MGAT4A: variants seen among roughly 807,000 people sequenced by gnomAD.
MGAT4A encodes the protein N-acetylglucosaminyltransferase IVa.
Under a neutral mutation model 74.1 loss-of-function variants are expected in MGAT4A, and 33 were observed. The observed-to-expected ratio is 0.45, with a 90% CI of 0.34 to 0.60. The LOEUF (loss-of-function observed/expected upper bound fraction) is 0.60. MGAT4A is among the 20% of genes least tolerant of loss of function. The probability of loss-of-function intolerance (pLI) is 0.02; values close to 1 mark genes in which losing one functional copy is unlikely to be tolerated. For synonymous variants in MGAT4A, 198 were observed against 210.4 expected (o/e 0.94, Z 0.51); for missense variants, 479 against 628.3 (o/e 0.76, Z 2.54).
rs1188572438 is a variant in MGAT4A, at chr2:98,663,127, G to A, written c.456C>T (p.Leu152=). The A allele has an allele frequency of 1.2e-5, 19 of 1,604,476 alleles. No individual in the cohort carries two copies. Among genetic ancestry groups the A allele is most frequent in the Non-Finnish European group, 1.5e-5 (18 of 1,173,482 alleles). ...PTVKREVKSY[L]IETLHSLIDN... is the part of the protein sequence containing the mutation. Reference sequence around the variant, plus strand: ...CAATAAGGGAATGAAGAGTTTCTATGAGGTAAGATTTAACTTCTCTCTTCA... The same window carrying A: ...CAATAAGGGAATGAAGAGTTTCTATAAGGTAAGATTTAACTTCTCTCTTCA... Residue 152 remains leucine, a synonymous_variant, in exon 5 of 16, where the codon CTC becomes CTT. Coordinates refer to ENST00000393487, the MANE Select transcript of MGAT4A (RefSeq NM_012214.3).
At position 98,640,204 on chromosome 2, in the gene MGAT4A, T is replaced by C; in HGVS notation, c.1045A>G (p.Asn349Asp). Residue 349 changes from asparagine to aspartate, a missense_variant, in exon 11 of 16, where the codon AAT (asparagine) becomes GAT (aspartate). By Grantham distance (23) the Asn-to-Asp change is conservative. Coordinates refer to ENST00000393487, the MANE Select transcript of MGAT4A (RefSeq NM_012214.3). ...GAAGGTCTGAAGCGAATTCGCAGAT[T>C]TGCTTTCTGTCTATCACAATGTTTC... ...DAKHCDRQKA[N>D]LRIRFRPSLF... 2.5e-6 allele frequency: 4 copies of C among 1,614,006 alleles called. No individual in the cohort carries two copies. Among genetic ancestry groups the C allele is most frequent in the Non-Finnish European group, 3.4e-6 (4 of 1,179,898 alleles).
At chr2:98,641,212 A>T (rs1251438118) in intron 10 of MGAT4A, among the ~76,000 whole-genome samples, 1 of 152,156 alleles carries the variant, frequency 6.6e-6, no homozygotes, top group Non-Finnish European at 1.5e-5. Flanking sequence ...AAATCAAAAA[A>T]CACATCTTTG....
At position 98,625,463 on chromosome 2, in the gene MGAT4A, C is replaced by A. The variant is rs914483268; in HGVS notation, c.*103G>T. On this transcript the variant is annotated 3_prime_UTR_variant, in exon 16 of 16. Transcript: ENST00000393487. ...TGACAATCGTCTTATCTACAGTAGA[C>A]TTCACAAGAGGTAGTGTTCAAGTAG... 2 of 1,549,512 alleles carry A rather than the reference C, an allele frequency of 1.3e-6. No individual in the cohort carries two copies. The highest frequency in any genetic ancestry group is 1.7e-6 in the Non-Finnish European group (2 of 1,154,922).
At position 98,656,471 on chromosome 2, in the gene MGAT4A, A is replaced by T; in HGVS notation, c.585-6T>A. 6.4e-7 allele frequency: 1 copy of T among 1,569,492 alleles called. No homozygotes were observed. The highest frequency in any genetic ancestry group is 8.7e-7 in the Non-Finnish European group (1 of 1,147,860). On this transcript the variant is annotated splice_region_variant and splice_polypyrimidine_tract_variant and intron_variant, in intron 6 of 15. Transcript: ENST00000393487. ...AACTGATTTCTTTAGAAAATCTATT[A>T]TGAGAAAGTTAGCTGAGTTACTTAA... is the stretch of plus-strand genomic sequence containing the variant.
chr2:98,662,083 A>G (rs563165546), intron 5 of MGAT4A, among the ~76,000 whole-genome samples: 19 of 152,362 alleles, frequency 1.2e-4, no homozygotes, highest in Admixed American at 7.8e-4. Flanking sequence ...TCCATAGTGC[A>G]TGCTGGAACA....
In MGAT4A at chr2:98,684,252, A is replaced by C. The variant is rs559966122; in HGVS notation, c.95-5781T>G. On this transcript the variant is annotated intron_variant, in intron 2 of 15. Transcript: ENST00000393487. ...ATTCCCTATTGTCAACATTAGTAGA[A>C]AAATTCTTATTTTTGCTTTTCTTAG... Among the ~76,000 whole-genome samples, 6 of 152,334 alleles carry C rather than the reference A, an allele frequency of 3.9e-5. 1 individual carries two copies. In the South Asian group the frequency reaches 1.2e-3, roughly 32 times the overall value.
intron 2 of MGAT4A, among the ~76,000 whole-genome samples, chr2:98,681,641 A>G (rs1702061370): frequency 6.6e-6 from 1 of 152,072 alleles, no homozygotes; most frequent in Admixed American, 6.6e-5. Context: ...TCTCAACACC[A>G]TTTGCCACTA....
At chr2:98,676,852 G>T (rs1218048775) in intron 3 of MGAT4A, among the ~76,000 whole-genome samples, 2 of 152,158 alleles carry the variant, frequency 1.3e-5, no homozygotes, top group Non-Finnish European at 1.5e-5. Context: ...AACAAAAAAT[G>T]TTAGTAGAAA....
At chr2:98,646,591 T>C (rs1168121182) in intron 8 of MGAT4A, among the ~76,000 whole-genome samples, 1 of 152,064 alleles carries the variant, frequency 6.6e-6, no homozygotes, top group Non-Finnish European at 1.5e-5. Flanking sequence ...CCTGTAATAC[T>C]AGCTACTTGG....
rs1022961084 is a variant in MGAT4A, at chr2:98,619,188, G to A, written c.*6378C>T. ...TTCTTTATTTCAAATACACATGAAC[G>A]GTCGTGGCACAGAGAAACAGTGATG... On this transcript the variant is annotated 3_prime_UTR_variant, in exon 16 of 16. Transcript: ENST00000393487. The A allele has an allele frequency of 6.6e-6, 1 of 152,402 alleles. No individual in the cohort carries two copies. Among genetic ancestry groups the A allele is most frequent in the African/African-American group, 2.4e-5 (1 of 41,382 alleles). 9.4% of individuals were successfully genotyped at this position (152,402 alleles called of 1,614,324 possible). A position where few individuals can be genotyped will look rare whatever the true frequency, so the allele number is the denominator to read the frequency against.
At chr2:98,704,331 G>C (rs1382719799) in intron 2 of MGAT4A, among the ~76,000 whole-genome samples, 1 of 152,194 alleles carries the variant, frequency 6.6e-6, no homozygotes, top group African/African-American at 2.4e-5. Context: ...TGGATTGCTT[G>C]AACTCAGGAG....
intron 2 of MGAT4A, among the ~76,000 whole-genome samples, chr2:98,679,038 C>T (rs970355048): frequency 2.0e-5 from 3 of 152,082 alleles, no homozygotes; most frequent in Non-Finnish European, 4.4e-5. Context: ...AGTGGCCAGG[C>T]GTGGTGGCTC....
chr2:98,622,147 T>C lies in MGAT4A; in HGVS notation c.*3419A>G. On this transcript the variant is annotated 3_prime_UTR_variant, in exon 16 of 16. Transcript: ENST00000393487. ...CTCAGCTTTCTCTTCTCACCCAAAA[T>C]ATTCATCATCATTTGCATTATGTTC... is the stretch of plus-strand genomic sequence containing the variant. 1.0e-6 allele frequency: 1 copy of C among 985,452 alleles called. No homozygotes were observed. Among genetic ancestry groups the C allele is most frequent in the Non-Finnish European group, 1.2e-6 (1 of 829,930 alleles). 61.0% of individuals were successfully genotyped at this position (985,452 alleles called of 1,614,324 possible). A position where few individuals can be genotyped will look rare whatever the true frequency, so the allele number is the denominator to read the frequency against.
Position 98,623,312 on chromosome 2 carries a change from A to G in MGAT4A, c.*2254T>C. On this transcript the variant is annotated 3_prime_UTR_variant, in exon 16 of 16. Coordinates refer to ENST00000393487, the MANE Select transcript of MGAT4A (RefSeq NM_012214.3). ...GGCAGGCTGTCTTTAAAGAAGTTGTAACAAATCACACCAGGTGCTGCAATA... is the reference window on the plus strand; with the variant it reads ...GGCAGGCTGTCTTTAAAGAAGTTGTGACAAATCACACCAGGTGCTGCAATA... The G allele has an allele frequency of 1.0e-6, 1 of 985,462 alleles. No homozygotes were observed. Among genetic ancestry groups the G allele is most frequent in the Non-Finnish European group, 1.2e-6 (1 of 829,938 alleles). 61.0% of individuals were successfully genotyped at this position (985,462 alleles called of 1,614,324 possible).
At chr2:98,635,985 C>CA (rs1307746712) in intron 13 of MGAT4A, among the ~76,000 whole-genome samples, 1 of 86,080 alleles carries the variant, frequency 1.2e-5, no homozygotes, top group Non-Finnish European at 2.7e-5. Flanking sequence ...GACTCTGTCT[C>CA]AAAAAAATAA....
rs572315632 is a variant in MGAT4A, at chr2:98,686,453, T to C, written c.95-7982A>G. Among the ~76,000 whole-genome samples the C allele has an allele frequency of 9.2e-5, 14 of 152,194 alleles. No individual in the cohort carries two copies. In the South Asian group the frequency reaches 2.7e-3, roughly 29 times the overall value. On this transcript the variant is annotated intron_variant, in intron 2 of 15. Transcript: ENST00000393487. ...AACTTCCAGGTAGAGGTTTAATAAG[T>C]TAAAATCTATCCCCTGACCTAATAA...
chr2:98,641,064 C>G (rs549257819), intron 10 of MGAT4A, among the ~76,000 whole-genome samples: 3 of 152,134 alleles, frequency 2.0e-5, no homozygotes, highest in Non-Finnish European at 4.4e-5. Context: ...TAGTGCCCCA[C>G]GGTCCAGACG....
intron 2 of MGAT4A, among the ~76,000 whole-genome samples, chr2:98,688,463 G>T (rs2104299849): frequency 1.3e-5 from 2 of 152,236 alleles, no homozygotes; most frequent in South Asian, 4.1e-4. Flanking sequence ...AAAGGTGATA[G>T]GCGTCATTTC....
chr2:98,626,354 A>G (rs1369754735), intron 14 of MGAT4A, among the ~76,000 whole-genome samples: 1 of 152,222 alleles, frequency 6.6e-6, no homozygotes, highest in Non-Finnish European at 1.5e-5. Flanking sequence ...ACAGTTCAAT[A>G]TAAAACTCCA....
Sources: allele counts gnomAD v4.1 joint callset (sites outside exome capture counted in the v4.1 genomes callset), GRCh38; gene constraint gnomAD v4.1.1; transcripts MANE v1.5; gene names NCBI Gene and HGNC (gene_info 2026-07-23, HGNC 2026-07-21).